Variants in METTL24 observed in about 807,000 individuals in gnomAD.
METTL24 encodes the protein methyltransferase like 24.
Under a neutral mutation model 32.7 loss-of-function variants are expected in METTL24, and 29 were observed. The ratio of observed to expected loss-of-function variants is 0.89; its 90% CI spans 0.66 to 1.21. The LOEUF is 1.21. METTL24 is among the 50% of genes most tolerant of loss of function. METTL24 has a pLI of 0.00. For synonymous variants in METTL24, 163 were observed against 179.5 expected, an observed-to-expected ratio of 0.91 and a Z score of 0.73; for missense variants, 439 against 468.1, an observed-to-expected ratio of 0.94 and a Z score of 0.57.
intron 4 of METTL24, among the ~76,000 whole-genome samples, chr6:110,297,086 T>G (rs959041606): frequency 6.6e-6 from 1 of 152,222 alleles, no homozygotes; most frequent in African/African-American, 2.4e-5. Flanking sequence ...AAGGAGCAAA[T>G]GCATTCCTGG....
intron 1 of METTL24, among the ~76,000 whole-genome samples, chr6:110,323,406 G>A (rs1201305957): frequency 3.3e-5 from 5 of 152,206 alleles, no homozygotes; most frequent in African/African-American, 9.7e-5. Context: ...CAGGCAGAGC[G>A]AGGACCCCAG....
At chr6:110,338,352 G>C (rs1772281711) in intron 1 of METTL24, among the ~76,000 whole-genome samples, 2 of 152,092 alleles carry the variant, frequency 1.3e-5, no homozygotes, top group Non-Finnish European at 2.9e-5. Context: ...ACAAAAATTA[G>C]CTGGGCGTGA....
At chr6:110,357,872 C>G in intron 1 of METTL24, 83 bp downstream of exon 1, 1 of 765,410 alleles carries the variant, frequency 1.3e-6, no homozygotes, top group Admixed American at 4.1e-5. Context: ...AGGCGGCCTG[C>G]GGGACCTGAG....
intron 1 of METTL24, among the ~76,000 whole-genome samples, chr6:110,337,252 C>G (rs534667637): frequency 6.6e-6 from 1 of 152,092 alleles, no homozygotes; most frequent in Non-Finnish European, 1.5e-5. Context: ...GAGGGAAGAG[C>G]AGACACTGGG....
chr6:110,344,205 C>T (rs537568649), intron 1 of METTL24, among the ~76,000 whole-genome samples: 3 of 152,276 alleles, frequency 2.0e-5, no homozygotes, highest in Non-Finnish European at 2.9e-5. Context: ...CGAGACTTTG[C>T]GGTGCCATTC....
chr6:110,300,129 C>T (rs118099471), intron 3 of METTL24, among the ~76,000 whole-genome samples: 1,737 of 152,248 alleles, frequency 0.011, 18 homozygotes, highest in South Asian at 0.029. Context: ...TCCACGTCCA[C>T]AAATTCAACC....
At chr6:110,318,102 CAGTT>C (rs1235672323) in intron 2 of METTL24, among the ~76,000 whole-genome samples, 2 of 152,218 alleles carry the variant, frequency 1.3e-5, no homozygotes, top group Admixed American at 6.5e-5. Flanking sequence ...TTAGCACTGA[CAGTT>C]AGCCAGAGGC....
In METTL24 at chr6:110,336,448, A is replaced by C. The variant is rs1282842033; in HGVS notation, c.319-13576T>G. ...CACCTACTAAAAGGCACTCGATAAA[A>C]GATGGTTATCAGCTGGGCGCGGTGG... is the stretch of plus-strand genomic sequence containing the variant. On this transcript the variant is annotated intron_variant, in intron 1 of 4. Coordinates refer to ENST00000338882, the MANE Select transcript of METTL24 (RefSeq NM_001123364.3). 2.0e-5 allele frequency among the ~76,000 whole-genome samples: 3 copies of C among 152,260 alleles called. No homozygotes were observed. The East Asian group carries it at 5.8e-4, about 29-fold the overall frequency.
intron 4 of METTL24, among the ~76,000 whole-genome samples, chr6:110,254,629 C>T (rs914087823): frequency 6.0e-4 from 92 of 152,154 alleles, no homozygotes; most frequent in Middle Eastern, 3.4e-3. Context: ...AAGACTATCT[C>T]AAAAGAAATA....
At chr6:110,261,176 T>C (rs1396679031) in intron 4 of METTL24, among the ~76,000 whole-genome samples, 3 of 152,070 alleles carry the variant, frequency 2.0e-5, no homozygotes, top group Non-Finnish European at 2.9e-5. Context: ...ACTTGGCAAA[T>C]TGGATAAAGA....
intron 3 of METTL24, among the ~76,000 whole-genome samples, chr6:110,311,819 T>G (rs1175842685): frequency 6.6e-6 from 1 of 152,160 alleles, no homozygotes; most frequent in Non-Finnish European, 1.5e-5. Context: ...ACGGTAAACA[T>G]TTAAATGAAA....
intron 3 of METTL24, 66 bp from the exon 4 acceptor site, chr6:110,299,216 G>A (rs1031104084): frequency 2.1e-6 from 3 of 1,439,006 alleles, no homozygotes; most frequent in Non-Finnish European, 2.9e-6. Context: ...GGACTAACAA[G>A]ATGACAGTTC....
rs1195740747 is a variant in METTL24 at position 110,295,013 on chromosome 6, C to CTTTTTTTTTTTTTTTTTTT, written c.786+3890_786+3908dup. Reference sequence around the variant, plus strand: ...ATTGCTTTTCTTTTTTTCTTTCTTTCTTTTTTTTTTTTTTTTTTTTTTTTT... The same window carrying CTTTTTTTTTTTTTTTTTTT: ...ATTGCTTTTCTTTTTTTCTTTCTTTCTTTTTTTTTTTTTTTTTTTTTTTTTTTTTTTTTTTTTTTTTTTT... On this transcript the variant is annotated intron_variant, in intron 4 of 4. Coordinates refer to ENST00000338882, the MANE Select transcript of METTL24 (RefSeq NM_001123364.3). 5.0e-4 allele frequency among the ~76,000 whole-genome samples: 39 copies of CTTTTTTTTTTTTTTTTTTT among 78,128 alleles called. 2 individuals are homozygous for CTTTTTTTTTTTTTTTTTTT. The highest frequency in any genetic ancestry group is 1.4e-3 in the African/African-American group (25 of 18,334). The allele number at this position is 78,128 out of a possible 152,430, so 51.3% of individuals were successfully genotyped here.
chr6:110,337,099 G>A (rs1314014006), intron 1 of METTL24, among the ~76,000 whole-genome samples: 2 of 152,204 alleles, frequency 1.3e-5, no homozygotes. Context: ...CCATAAAACA[G>A]AACAAGATCA....
At chr6:110,252,123 G>A (rs1346223859) in intron 4 of METTL24, among the ~76,000 whole-genome samples, 1 of 152,146 alleles carries the variant, frequency 6.6e-6, no homozygotes, top group Non-Finnish European at 1.5e-5. Context: ...CAGCCTGGGA[G>A]ATAGAGCAAA....
In METTL24 at chr6:110,358,038, C is replaced by T. The variant is rs1382370697; in HGVS notation, c.235G>A (p.Gly79Ser). The T allele has an allele frequency of 9.0e-7, 1 of 1,115,558 alleles. No homozygotes were observed. The highest frequency in any genetic ancestry group is 4.3e-5 in the South Asian group (1 of 23,212). The allele number at this position is 1,115,558 out of a possible 1,614,324, so 69.1% of individuals were successfully genotyped here. ...CCGCCCCCCGGCGGCGCCCGGCGAC[C>T]GCTGCGCACGTAGGTCACCTGCCTC... ...SRRQVTYVRS[G>S]RRAPPGGGGS... is the part of the protein sequence containing the mutation. Residue 79 changes from glycine (G) to serine (S), a missense_variant, in exon 1 of 5, where the codon GGT (glycine) becomes AGT (serine). Physicochemically the swap from Gly to Ser is moderately conservative, Grantham distance 56. Transcript: ENST00000338882.
intron 1 of METTL24, among the ~76,000 whole-genome samples, chr6:110,354,377 A>G (rs1358629227): frequency 6.6e-6 from 1 of 152,232 alleles, no homozygotes; most frequent in African/African-American, 2.4e-5. Flanking sequence ...GAATGGAAGC[A>G]GAGTAACAAG....
chr6:110,311,855 C>T (rs1051838209), intron 3 of METTL24, among the ~76,000 whole-genome samples: 10 of 152,164 alleles, frequency 6.6e-5, no homozygotes, highest in African/African-American at 2.4e-4. Context: ...TGAGAGATGT[C>T]TATTCCTGTC....
chr6:110,348,660 A>ATGT (rs2114778239), intron 1 of METTL24, among the ~76,000 whole-genome samples: 1 of 152,390 alleles, frequency 6.6e-6, no homozygotes, highest in East Asian at 1.9e-4. Context: ...GGATTCTGAA[A>ATGT]ACATGTTTGG....
Sources: gnomAD v4.1 joint callset for allele counts (sites outside exome capture counted in the v4.1 genomes callset) on GRCh38, gnomAD v4.1.1 for gene constraint, MANE v1.5 for transcripts, NCBI Gene and HGNC (gene_info 2026-07-23, HGNC 2026-07-21) for gene names.